Variants in COL21A1 observed in about 807,000 individuals in gnomAD.
COL21A1 encodes the protein collagen alpha-1(XXI) chain.
In COL21A1, 149 loss-of-function variants were observed where a neutral mutation model predicts 137.9. The ratio of observed to expected loss-of-function variants is 1.08; its 90% confidence interval spans 0.95 to 1.24. The LOEUF (loss-of-function observed/expected upper bound fraction) is 1.24, where lower values mean the gene tolerates loss of function less well. Among genes scored for constraint, COL21A1 ranks in the 50% most tolerant of loss-of-function variants. The pLI, the probability that COL21A1 is intolerant of heterozygous loss-of-function variation, is 0.00. For synonymous variants in COL21A1, 456 were observed against 391.5 expected (o/e 1.16, Z -1.95); for missense variants, 1,167 against 1,158.4 (o/e 1.01, Z -0.11).
At chr6:56,193,882 T>C (rs1582609886) in intron 1 of COL21A1, among the ~76,000 whole-genome samples, 1 of 151,986 alleles carries the variant, frequency 6.6e-6, no homozygotes, top group Middle Eastern at 3.2e-3. Context: ...AGCCTCCCGA[T>C]TAGCTGGGAC....
At chr6:56,063,548 A>G (rs1037036080) in intron 24 of COL21A1, among the ~76,000 whole-genome samples, 3 of 152,078 alleles carry the variant, frequency 2.0e-5, no homozygotes, top group Non-Finnish European at 4.4e-5. Flanking sequence ...ACATAATTGT[A>G]CTCAGGCAAT....
chr6:56,103,973 C>T (rs375416508), intron 16 of COL21A1, among the ~76,000 whole-genome samples: 1 of 152,166 alleles, frequency 6.6e-6, no homozygotes, highest in Non-Finnish European at 1.5e-5. Context: ...AACAGACTTA[C>T]AGACTCTTTC....
intron 3 of COL21A1, among the ~76,000 whole-genome samples, chr6:56,171,848 T>C (rs1777086478): frequency 1.3e-5 from 2 of 151,940 alleles, no homozygotes; most frequent in Non-Finnish European, 2.9e-5. Flanking sequence ...AAGTATGATA[T>C]ACTTTAGCTG....
At chr6:56,148,569 T>G (rs1775034103) in intron 10 of COL21A1, among the ~76,000 whole-genome samples, 1 of 152,184 alleles carries the variant, frequency 6.6e-6, no homozygotes, top group African/African-American at 2.4e-5. Flanking sequence ...TTCTTTAATC[T>G]TCATGGCATT....
chr6:56,066,977 ATG>A (rs1194811264), intron 23 of COL21A1, among the ~76,000 whole-genome samples: 21 of 146,534 alleles, frequency 1.4e-4, no homozygotes, highest in Admixed American at 4.8e-4. Context: ...ATATATATAT[ATG>A]TGTGTGTGTG....
intron 1 of COL21A1, among the ~76,000 whole-genome samples, chr6:56,351,316 T>C (rs558853802): frequency 9.9e-5 from 15 of 152,038 alleles, no homozygotes; most frequent in East Asian, 1.9e-4. Flanking sequence ...GAAAAGGGGG[T>C]CCCCGTTGTG....
chr6:56,237,083 C>T (rs1228902802), intron 1 of COL21A1, among the ~76,000 whole-genome samples: 1 of 151,860 alleles, frequency 6.6e-6, no homozygotes. Flanking sequence ...ACGTGAGAAC[C>T]TATCAATAGA....
In COL21A1 at chr6:56,306,315, C is replaced by G. The variant is rs529383727; in HGVS notation, c.-39+87656G>C. On this transcript the variant is annotated intron_variant, in intron 1 of 28. Coordinates refer to the COL21A1 transcript ENST00000370819. ...TGGGGAAGTTCTCCTGGATAATATC[C>G]TGCAGAGTGTTTTCCAATTTGGTTC... Among the ~76,000 whole-genome samples the G allele has an allele frequency of 3.0e-3, 455 of 150,666 alleles. 4 individuals are homozygous for G. Among genetic ancestry groups the G allele is most frequent in the African/African-American group, 0.01 (425 of 41,184 alleles).
chr6:56,171,082 C>T lies in COL21A1; in HGVS notation c.687G>A (p.Arg229=). 5.6e-6 allele frequency: 9 copies of T among 1,608,334 alleles called. No individual in the cohort carries two copies. Among genetic ancestry groups the T allele is most frequent in the Non-Finnish European group, 7.6e-6 (9 of 1,177,768 alleles). Reference sequence around the variant, plus strand: ...CTAAACCTAAAAGAATATCAAATCCCCTTTCATCACGAGCTGCCACTGGAA... The same window carrying T: ...CTAAACCTAAAAGAATATCAAATCCTCTTTCATCACGAGCTGCCACTGGAA... ...TRIPVAARDE[R]GFDILLGLDV... is the part of the protein sequence containing the mutation. The change falls in exon 4 of 30, where the codon AGG becomes AGA. Residue 229 remains arginine (R), a synonymous_variant. Coordinates refer to ENST00000244728, the MANE Select transcript of COL21A1 (RefSeq NM_030820.4).
intron 1 of COL21A1, among the ~76,000 whole-genome samples, chr6:56,230,629 T>C (rs1781503739): frequency 6.6e-6 from 1 of 151,894 alleles, no homozygotes; most frequent in Non-Finnish European, 1.5e-5. Context: ...TATTTTTTGA[T>C]GTTTAAGGGA....
At chr6:56,087,332 A>G (rs1052778227) in intron 17 of COL21A1, among the ~76,000 whole-genome samples, 1 of 152,074 alleles carries the variant, frequency 6.6e-6, no homozygotes, top group Non-Finnish European at 1.5e-5. Flanking sequence ...TCCATACAAT[A>G]CCATGTGTAA....
intron 10 of COL21A1, among the ~76,000 whole-genome samples, chr6:56,150,187 CT>C (rs1364903486): frequency 2.0e-5 from 3 of 152,152 alleles, no homozygotes; most frequent in African/African-American, 7.2e-5. Flanking sequence ...AAGGCTGCCC[CT>C]GTCTGCACCT....
chr6:56,242,470 A>G (rs896464621), intron 1 of COL21A1, among the ~76,000 whole-genome samples: 12 of 152,172 alleles, frequency 7.9e-5, no homozygotes, highest in African/African-American at 2.7e-4. Context: ...ATAAACAAAC[A>G]GTTAAGGGGT....
At chr6:56,243,746 A>G (rs1562019843) in intron 1 of COL21A1, among the ~76,000 whole-genome samples, 1 of 152,206 alleles carries the variant, frequency 6.6e-6, no homozygotes, top group African/African-American at 2.4e-5. Context: ...AACTTGTCCA[A>G]GTTTAAACAA....
chr6:56,157,418 C>T (rs1775845584), intron 9 of COL21A1, among the ~76,000 whole-genome samples: 2 of 148,828 alleles, frequency 1.3e-5, no homozygotes, highest in Non-Finnish European at 3.0e-5. Context: ...TAAAGAGATT[C>T]TCCTGTCTCA....
chr6:56,392,333 G>A (rs539355166), intron 1 of COL21A1, among the ~76,000 whole-genome samples: 23 of 152,110 alleles, frequency 1.5e-4, no homozygotes, highest in African/African-American at 5.1e-4. Flanking sequence ...GGGTATAGAA[G>A]GAACATACCT....
In COL21A1 at chr6:56,060,742, TCTTATTA is replaced by T. The variant is rs1347387833; in HGVS notation, c.2399_2405del (p.Val800GlufsTer35). The T allele has an allele frequency of 6.2e-7, 1 of 1,601,974 alleles. No homozygotes were observed. The highest frequency in any genetic ancestry group is 1.1e-5 in the South Asian group (1 of 88,542). ...TAAAATGCTATATTTGATACCTACC[TCTTATTA>T]CATCTGTGCAAACTTGTCGAATAAA... On this transcript the variant is annotated frameshift_variant and splice_region_variant, in exon 27 of 30. Transcript: ENST00000244728. LOFTEE classifies it high-confidence loss of function.
intron 17 of COL21A1, among the ~76,000 whole-genome samples, chr6:56,079,738 A>G (rs1767583397): frequency 1.3e-5 from 2 of 151,618 alleles, no homozygotes; most frequent in African/African-American, 4.8e-5. Flanking sequence ...CTTTTTGTTC[A>G]TCCTCTCAAA....
chr6:56,256,313 A>G (rs984888269), intron 1 of COL21A1, among the ~76,000 whole-genome samples: 28 of 152,304 alleles, frequency 1.8e-4, no homozygotes, highest in African/African-American at 6.5e-4. Context: ...TCTGGTGGAT[A>G]CAGGTTGTGA....
Sources: gnomAD v4.1 joint callset for allele counts (sites outside exome capture counted in the v4.1 genomes callset) on GRCh38, gnomAD v4.1.1 for gene constraint, MANE v1.5 for transcripts, NCBI Gene and HGNC (gene_info 2026-07-23, HGNC 2026-07-21) for gene names.